Variants in MDC1 observed in about 807,000 individuals in gnomAD.
MDC1 encodes mediator of DNA damage checkpoint 1, also known as mediator of DNA damage checkpoint protein 1.
In MDC1, 81 loss-of-function variants were observed where a neutral mutation model predicts 142.5. The ratio of observed to expected loss-of-function variants is 0.57; its 90% CI spans 0.47 to 0.68. The LOEUF is 0.68. Ranked by LOEUF, MDC1 falls within the 30% of genes least tolerant of loss-of-function variation. The pLI, the probability that MDC1 is intolerant of heterozygous loss-of-function variation, is 0.00. For missense variants in MDC1, 2,119 were observed against 2,547.9 expected, an observed-to-expected ratio of 0.83 and a Z score of 3.62; for synonymous variants, 797 against 968.4, an observed-to-expected ratio of 0.82 and a Z score of 3.29.
In MDC1 at chr6:30,704,269, A is replaced by G. The variant is rs777669287; in HGVS notation, c.4914T>C (p.Thr1638=). ...PVTPKLTSRA[T]RRKTNRSSVK... is the part of the protein sequence containing the mutation. ...CAGAGGACCTATTTGTCTTTCTCCT[A>G]GTGGCCCTAGATGTGAGCTTGGGGG... The change falls in exon 10 of 15, where the codon ACT becomes ACC. Residue 1638 remains threonine (T), a synonymous_variant. Coordinates refer to ENST00000376406, the MANE Select transcript of MDC1 (RefSeq NM_014641.3). 5 of 1,613,324 alleles carry G rather than the reference A, an allele frequency of 3.1e-6. No individual in the cohort carries two copies. In the Admixed American group the frequency reaches 8.3e-5, roughly 27 times the overall value.
At position 30,713,397 on chromosome 6, in the gene MDC1, G is replaced by T; in HGVS notation, c.588-43C>A. On this transcript the variant is annotated intron_variant, in intron 4 of 14. Transcript: ENST00000376406. This position sits in a 1 kb window ranked among gnomAD's most constrained non-coding sequence, Gnocchi z 4.9. ...GAGAGTCTATAGAATTTATTTCCCT[G>T]GAAGGGATACCCCAACTCAACTGTG... 1 of 1,506,014 alleles carries T rather than the reference G, an allele frequency of 6.6e-7. No homozygotes were observed. Among genetic ancestry groups the T allele is most frequent in the Non-Finnish European group, 8.8e-7 (1 of 1,131,644 alleles). The allele number at this position is 1,506,014 out of a possible 1,614,324, so 93.3% of individuals were successfully genotyped here.
chr6:30,716,048 C>T lies in MDC1; in HGVS notation c.-3-870G>A, dbSNP rs1775608606. Among the ~76,000 whole-genome samples the T allele has an allele frequency of 6.6e-6, 1 of 152,122 alleles. No homozygotes were observed. The highest frequency in any genetic ancestry group is 1.5e-5 in the Non-Finnish European group (1 of 68,026). ...GATCTGAACTTCACATCTTGTAACG[C>T]CTACCCCTCGCCCGCAAAAGCCTAT... On this transcript the variant is annotated intron_variant, in intron 1 of 14. Transcript: ENST00000376406. This position sits in a 1 kb window ranked among gnomAD's most constrained non-coding sequence, Gnocchi z 4.4.
chr6:30,700,414 T>A lies in MDC1; in HGVS notation c.*51A>T. 1.3e-6 allele frequency: 2 copies of A among 1,569,818 alleles called. No homozygotes were observed. The highest frequency in any genetic ancestry group is 1.7e-6 in the Non-Finnish European group (2 of 1,150,020). The stretch of plus-strand genomic sequence containing the variant: ...CTTTCTAACGCCCTGAGTTCTTTCT[T>A]CCACATATCTTCTAATTCGTGGTCT... On this transcript the variant is annotated 3_prime_UTR_variant, in exon 15 of 15. Transcript: ENST00000376406.
At position 30,705,886 on chromosome 6, in the gene MDC1, C is replaced by T. The variant is rs1405747504; in HGVS notation, c.3297G>A (p.Glu1099=). The T allele has an allele frequency of 5.0e-6, 8 of 1,612,118 alleles. No homozygotes were observed. Among genetic ancestry groups the T allele is most frequent in the Non-Finnish European group, 6.8e-6 (8 of 1,179,120 alleles). ...APEAPLSSEL[E]PFHPKPKIRT... ...TAATTTTAGGCTTTGGGTGGAAAGGCTCCAGCTCTGAGGACAAGGGAGCCT... is the reference window on the plus strand; with the variant it reads ...TAATTTTAGGCTTTGGGTGGAAAGGTTCCAGCTCTGAGGACAAGGGAGCCT... Residue 1099 remains glutamate (E), a synonymous_variant, in exon 10 of 15, where the codon GAG becomes GAA. Coordinates refer to ENST00000376406, the MANE Select transcript of MDC1 (RefSeq NM_014641.3).
rs778856797 is a variant in MDC1 at position 30,703,392 on chromosome 6, C to T, written c.5682+26G>A. On this transcript the variant is annotated intron_variant, in intron 11 of 14. Coordinates refer to ENST00000376406, the MANE Select transcript of MDC1 (RefSeq NM_014641.3). This position sits in a 1 kb window ranked among gnomAD's most constrained non-coding sequence, Gnocchi z 4.4. ...ATCCTCCCCTCATCTCTGTCTCCCA[C>T]AAAGTCCCATGCCTTTGTCTCTTAC... is the stretch of plus-strand genomic sequence containing the variant. The T allele has an allele frequency of 2.5e-6, 4 of 1,613,574 alleles. No individual in the cohort carries two copies. The highest frequency in any genetic ancestry group is 1.1e-5 in the South Asian group (1 of 91,086).
At position 30,702,620 on chromosome 6, in the gene MDC1, G is replaced by T. The variant is rs778053820; in HGVS notation, c.6035C>A (p.Pro2012His). 1.2e-6 allele frequency: 2 copies of T among 1,611,562 alleles called. No individual in the cohort carries two copies. Among genetic ancestry groups the T allele is most frequent in the Non-Finnish European group, 1.7e-6 (2 of 1,179,364 alleles). The change falls in exon 14 of 15, where the codon CCT (proline) becomes CAT (histidine). Residue 2012 changes from proline (P) to histidine (H), a missense_variant. Physicochemically the swap from Pro to His is moderately conservative, Grantham distance 77. Transcript: ENST00000376406. ...GCAGCTAATAATCTCTCCCATCTGA[G>T]GTGGTGGTGGCTGGACTCCAGGGGT... ...YVTPGVQPPP[P>H]QMGEIISCCG... is the part of the protein sequence containing the mutation.
intron 7 of MDC1, 106 bp downstream of exon 7, chr6:30,711,306 G>C (rs2127710823): frequency 3.0e-6 from 3 of 1,001,182 alleles, no homozygotes; most frequent in East Asian, 2.4e-5. Context: ...GGGAGGCGGA[G>C]GTTACAGTGA....
Position 30,705,999 on chromosome 6 carries a change from C to T in MDC1, c.3184G>A (p.Ala1062Thr). 6.2e-7 allele frequency: 1 copy of T among 1,608,610 alleles called. No homozygotes were observed. The highest frequency in any genetic ancestry group is 8.5e-7 in the Non-Finnish European group (1 of 1,178,410). ...PLNSQSQKHLAPPPLLSPLLP... is the reference protein window; with the variant it reads ...PLNSQSQKHLTPPPLLSPLLP... ...AGGGGAGAAAGAAGGGGCGGAGGTG[C>T]AAGATGTTTCTGGCTCTGAGAGTTA... is the stretch of plus-strand genomic sequence containing the variant. Residue 1062 changes from alanine to threonine, a missense_variant, in exon 10 of 15, where the codon GCA becomes ACA. Coordinates refer to ENST00000376406, the MANE Select transcript of MDC1 (RefSeq NM_014641.3).
rs1581548404 is a variant in MDC1, at chr6:30,704,701, A to G, written c.4482T>C (p.Pro1494=). 5 of 1,612,312 alleles carry G rather than the reference A, an allele frequency of 3.1e-6. No individual in the cohort carries two copies. The highest frequency in any genetic ancestry group is 4.2e-6 in the Non-Finnish European group (5 of 1,179,274). Reference sequence around the variant, plus strand: ...CTGTGGAGGCGGAAGCCTGTAGCTCAGGGGCTGTGGGGACAACTGTTTCAG... The same window carrying G: ...CTGTGGAGGCGGAAGCCTGTAGCTCGGGGGCTGTGGGGACAACTGTTTCAG... ...KTPETVVPTA[P]ELQASASTDQ... Residue 1494 remains proline, a synonymous_variant, in exon 10 of 15, where the codon CCT becomes CCC. Transcript: ENST00000376406.
At position 30,700,577 on chromosome 6, in the gene MDC1, A is replaced by AGTG. The variant is rs1255500250; in HGVS notation, c.6155_6157dup (p.Pro2052dup). On this transcript the variant is annotated inframe_insertion, in exon 15 of 15. Coordinates refer to ENST00000376406, the MANE Select transcript of MDC1 (RefSeq NM_014641.3). The stretch of plus-strand genomic sequence containing the variant: ...CGAGAGGAGGGGCAGCCCAACCCGT[A>AGTG]GTGGAATGGAGCAATGAGGGAAGTC... 2 of 1,612,886 alleles carry AGTG rather than the reference A, an allele frequency of 1.2e-6. No homozygotes were observed. The highest frequency in any genetic ancestry group is 2.7e-5 in the African/African-American group (2 of 74,914).
chr6:30,701,405 A>AG (rs2127651940), intron 14 of MDC1, among the ~76,000 whole-genome samples: 2 of 152,206 alleles, frequency 1.3e-5, no homozygotes, highest in East Asian at 3.9e-4. Flanking sequence ...CTCAAAAAAA[A>AG]AAAATACTTT....
At position 30,704,741 on chromosome 6, in the gene MDC1, G is replaced by C. The variant is rs770005786; in HGVS notation, c.4442C>G (p.Ser1481Cys). The change falls in exon 10 of 15, where the codon TCC (serine) becomes TGC (cysteine). Residue 1481 changes from serine (S) to cysteine (C), a missense_variant. Ser to Cys is a moderately radical substitution (Grantham distance 112). Transcript: ENST00000376406. The stretch of plus-strand genomic sequence containing the variant: ...AACTGTTTCAGGAGTCTTGACAGAG[G>C]ATCTATCTGTTCTTCCCCTAGTAGC... Reference protein sequence around the residue: ...SQATRGRTDRSSVKTPETVVP... With the variant: ...SQATRGRTDRCSVKTPETVVP... The C allele has an allele frequency of 6.2e-7, 1 of 1,612,376 alleles. No homozygotes were observed. Among genetic ancestry groups the C allele is most frequent in the Non-Finnish European group, 8.5e-7 (1 of 1,179,408 alleles).
chr6:30,704,833 G>T lies in MDC1; in HGVS notation c.4350C>A (p.Pro1450=). The T allele has an allele frequency of 3.1e-6, 5 of 1,603,246 alleles. No individual in the cohort carries two copies. The highest frequency in any genetic ancestry group is 4.3e-6 in the Non-Finnish European group (5 of 1,176,294). The change falls in exon 10 of 15, where the codon CCC becomes CCA. Residue 1450 remains proline, a synonymous_variant. Coordinates refer to ENST00000376406, the MANE Select transcript of MDC1 (RefSeq NM_014641.3). The part of the protein sequence containing the change: ...SSVKTPETVV[P]TAPELQPSTS... ...TGGAAGGCTGGAGCTCAGGGGCTGT[G>T]GGGACAACTGTTTCAGGGGTCTTCA...
chr6:30,703,704 G>A lies in MDC1; in HGVS notation c.5479C>T (p.Pro1827Ser). Residue 1827 changes from proline to serine, a missense_variant, in exon 10 of 15, where the codon CCC becomes TCC. Transcript: ENST00000376406. This position sits in a 1 kb window ranked among gnomAD's most constrained non-coding sequence, Gnocchi z 4.4. ...TMDSPPHQKQ[P>S]QRGEVSQKTV... ...TTCTGGGAGACTTCCCCTCTTTGGGGCTGTTTTTGATGTGGTGGTGAATCC... is the reference window on the plus strand; with the variant it reads ...TTCTGGGAGACTTCCCCTCTTTGGGACTGTTTTTGATGTGGTGGTGAATCC... 6.5e-7 allele frequency: 1 copy of A among 1,541,734 alleles called. No homozygotes were observed. Among genetic ancestry groups the A allele is most frequent in the Non-Finnish European group, 8.7e-7 (1 of 1,148,940 alleles).
chr6:30,712,802 C>T lies in MDC1; in HGVS notation c.1140G>A (p.Val380=). ...CAGCCTGTGGGGCCTTGCCTTCTTCCACATCTGTATCACTACCAGCCTGGC... is the reference window on the plus strand; with the variant it reads ...CAGCCTGTGGGGCCTTGCCTTCTTCTACATCTGTATCACTACCAGCCTGGC... The part of the protein sequence containing the change: ...QESQAGSDTD[V]EEGKAPQAVP... Residue 380 remains valine, a synonymous_variant, in exon 5 of 15, where the codon GTG becomes GTA. Coordinates refer to ENST00000376406, the MANE Select transcript of MDC1 (RefSeq NM_014641.3). The surrounding 1 kb of genome is among the most constrained non-coding windows in gnomAD (Gnocchi z 4.7). 1.2e-6 allele frequency: 2 copies of T among 1,612,942 alleles called. No individual in the cohort carries two copies. Among genetic ancestry groups the T allele is most frequent in the Non-Finnish European group, 1.7e-6 (2 of 1,179,936 alleles).
rs542824272 is a variant in MDC1 at position 30,714,957 on chromosome 6, A to G, written c.136+83T>C. 1.4e-4 allele frequency: 207 copies of G among 1,516,950 alleles called. 1 individual carries two copies. The African/African-American group carries it at 2.7e-3, about 20-fold the overall frequency. The allele number at this position is 1,516,950 out of a possible 1,614,324, so 94.0% of individuals were successfully genotyped here. The stretch of plus-strand genomic sequence containing the variant: ...AAATTCACATCTCATTGAAACATAC[A>G]TAAGCTTCTTGCAACCCTCCAAATA... On this transcript the variant is annotated intron_variant, in intron 2 of 14. Coordinates refer to ENST00000376406, the MANE Select transcript of MDC1 (RefSeq NM_014641.3).
Position 30,712,981 on chromosome 6 carries a change from C to T in MDC1, c.961G>A (p.Ala321Thr). The part of the protein sequence containing the change: ...GRPAEVHLER[A>T]QPFGFIDSDT... ...CTGTCGATGAAGCCAAAAGGCTGAGCCCTTTCCAAATGGACCTCAGCTGGC... is the reference window on the plus strand; with the variant it reads ...CTGTCGATGAAGCCAAAAGGCTGAGTCCTTTCCAAATGGACCTCAGCTGGC... The change falls in exon 5 of 15, where the codon GCT becomes ACT. Residue 321 changes from alanine (A) to threonine (T), a missense_variant. Ala to Thr is a moderately conservative substitution (Grantham distance 58, BLOSUM62 0). Transcript: ENST00000376406. The surrounding 1 kb of genome is among the most constrained non-coding windows in gnomAD (Gnocchi z 4.7). 6.2e-7 allele frequency: 1 copy of T among 1,612,938 alleles called. No homozygotes were observed. The highest frequency in any genetic ancestry group is 8.5e-7 in the Non-Finnish European group (1 of 1,179,948).
chr6:30,713,440 C>T lies in MDC1; in HGVS notation c.588-86G>A. ...CAACTGTGAGCTCCTTGAGGGGAGA[C>T]ACAAGGTAGCATATTTCTTCTTCTG... On this transcript the variant is annotated intron_variant, in intron 4 of 14. Transcript: ENST00000376406. The surrounding 1 kb of genome is among the most constrained non-coding windows in gnomAD (Gnocchi z 4.9). The T allele has an allele frequency of 2.9e-6, 4 of 1,398,530 alleles. No individual in the cohort carries two copies. The allele number at this position is 1,398,530 out of a possible 1,614,324, so 86.6% of individuals were successfully genotyped here.
rs910165190 is a variant in MDC1 at position 30,715,966 on chromosome 6, T to C, written c.-3-788A>G. Among the ~76,000 whole-genome samples, 4 of 152,180 alleles carry C rather than the reference T, an allele frequency of 2.6e-5. No homozygotes were observed. The highest frequency in any genetic ancestry group is 7.2e-5 in the African/African-American group (3 of 41,440). On this transcript the variant is annotated intron_variant, in intron 1 of 14. Transcript: ENST00000376406. The surrounding 1 kb of genome is among the most constrained non-coding windows in gnomAD (Gnocchi z 4.1). ...ACTCAGATGTCTCTCCTCTAAAATC[T>C]TGATGGTTTTTCGTGCACACAGAAT...
Sources: gnomAD v4.1 joint callset for allele counts (sites outside exome capture counted in the v4.1 genomes callset) on GRCh38, gnomAD v4.1.1 for gene constraint, Gnocchi (gnomAD v3.1) non-coding constraint, MANE v1.5 for transcripts, NCBI Gene and HGNC (gene_info 2026-07-23, HGNC 2026-07-21) for gene names.